The following TRIM43 variants were observed in gnomAD, a reference collection of about 807,000 sequenced individuals.
TRIM43 encodes tripartite motif containing 43, also known as tripartite motif-containing protein 43.
Under a neutral mutation model 27.7 loss-of-function variants are expected in TRIM43, and 12 were observed. The observed-to-expected ratio is 0.43, with a 90% CI of 0.28 to 0.70. The LOEUF (loss-of-function observed/expected upper bound fraction) is 0.70. Among genes scored for constraint, TRIM43 ranks in the 30% least tolerant of loss-of-function variants. TRIM43 has a pLI of 0.17. For missense variants in TRIM43, 186 were observed against 356.5 expected, an observed-to-expected ratio of 0.52 and a Z score of 3.85; for synonymous variants, 64 against 121.9, an observed-to-expected ratio of 0.52 and a Z score of 3.13.
intron 1 of TRIM43, among the ~76,000 whole-genome samples, chr2:95,592,455 G>A (rs1271932520): frequency 2.0e-5 from 3 of 151,682 alleles, no homozygotes; most frequent in South Asian, 2.1e-4. Context: ...TGCAACCTCC[G>A]CCTTCCAGGT....
At chr2:95,594,961 T>C in intron 2 of TRIM43, 89 bp from the exon 3 acceptor site, 2 of 1,370,986 alleles carry the variant, frequency 1.5e-6, no homozygotes, top group Non-Finnish European at 2.0e-6. Context: ...AATGTATTTA[T>C]ATATTATCCC....
At chr2:95,595,014 G>C (rs1204820617) in intron 2 of TRIM43, 36 bp from the exon 3 acceptor site, 2 of 1,594,054 alleles carry the variant, frequency 1.3e-6, no homozygotes, top group Admixed American at 3.4e-5. Flanking sequence ...TTTGGCATTT[G>C]ACTTTCTGTT....
intron 1 of TRIM43, among the ~76,000 whole-genome samples, chr2:95,592,536 T>A (rs868212728): frequency 1.7e-4 from 25 of 151,378 alleles, no homozygotes; most frequent in Non-Finnish European, 2.2e-4. Flanking sequence ...GCCCAGCTAA[T>A]TTTTGTATTT....
At chr2:95,592,773 G>T (rs576646526) in intron 1 of TRIM43, among the ~76,000 whole-genome samples, 70 of 151,424 alleles carry the variant, frequency 4.6e-4, no homozygotes, top group African/African-American at 1.7e-3. Flanking sequence ...CCTGCCTGAC[G>T]GCCTCCCAAA....
chr2:95,596,514 T>C, intron 4 of TRIM43, 82 bp downstream of exon 4: 1 of 1,482,332 alleles, frequency 6.7e-7, no homozygotes, highest in East Asian at 2.5e-5. Flanking sequence ...CCAAAGACAT[T>C]ATTTCCTCAT....
chr2:95,593,380 C>G (rs1685291678), intron 1 of TRIM43, among the ~76,000 whole-genome samples: 1 of 147,090 alleles, frequency 6.8e-6, no homozygotes, highest in African/African-American at 2.5e-5. Flanking sequence ...AGTAAACATG[C>G]CAGAAAGTTT....
chr2:95,596,224 A>G lies in TRIM43; in HGVS notation c.530A>G (p.Gln177Arg). 8.1e-6 allele frequency: 13 copies of G among 1,610,762 alleles called. No individual in the cohort carries two copies. The highest frequency in any genetic ancestry group is 1.0e-5 in the Non-Finnish European group (12 of 1,178,686). ...LWRGNVVLRAQMIRNEYRKLH... is the reference protein window; with the variant it reads ...LWRGNVVLRARMIRNEYRKLH... ...CAGGGCAATGTGGTTTTACGGGCACAGATGATCAGGAATGAGTATAGGAAG... is the reference window on the plus strand; with the variant it reads ...CAGGGCAATGTGGTTTTACGGGCACGGATGATCAGGAATGAGTATAGGAAG... The change falls in exon 4 of 7, where the codon CAG (glutamine) becomes CGG (arginine). Residue 177 changes from glutamine to arginine, a missense_variant. By Grantham distance (43) the Gln-to-Arg change is conservative. Coordinates refer to ENST00000272395, the MANE Select transcript of TRIM43 (RefSeq NM_138800.3).
intron 1 of TRIM43, among the ~76,000 whole-genome samples, chr2:95,593,195 C>T (rs1416503140): frequency 6.6e-6 from 1 of 151,924 alleles, no homozygotes; most frequent in Non-Finnish European, 1.5e-5. Context: ...CGTGAGCCAC[C>T]GTGCCCGGCC....
chr2:95,594,863 C>G (rs1685325111), intron 2 of TRIM43, among the ~76,000 whole-genome samples, 187 bp from the exon 3 acceptor site: 5 of 151,600 alleles, frequency 3.3e-5, no homozygotes, highest in Admixed American at 3.3e-4. Context: ...CTTCAGTTCC[C>G]TAAGCTGTTC....
intron 1 of TRIM43, among the ~76,000 whole-genome samples, chr2:95,592,675 T>G (rs1452544338): frequency 6.6e-6 from 1 of 150,708 alleles, no homozygotes; most frequent in Non-Finnish European, 1.5e-5. Context: ...CCGGCCTTTT[T>G]TTTTTAAATT....
At chr2:95,594,565 T>C (rs1685320398) in intron 2 of TRIM43, 131 bp downstream of exon 2, 2 of 1,184,896 alleles carry the variant, frequency 1.7e-6, no homozygotes, top group South Asian at 1.6e-5. Flanking sequence ...GTACCAATGA[T>C]GACATTTTGA....
rs780107967 is a variant in TRIM43 at position 95,596,345 on chromosome 2, C to A, written c.651C>A (p.Val217=). Residue 217 remains valine, a synonymous_variant, in exon 4 of 7, where the codon GTC becomes GTA. Coordinates refer to ENST00000272395, the MANE Select transcript of TRIM43 (RefSeq NM_138800.3). The part of the protein sequence containing the change: ...EIFQQLQRSW[V]KMDQKSKHLK... ...TTCAGCAACTCCAGAGAAGTTGGGT[C>A]AAAATGGATCAAAAGAGTAAACACT... 1 of 1,605,448 alleles carries A rather than the reference C, an allele frequency of 6.2e-7. No homozygotes were observed. Among genetic ancestry groups the A allele is most frequent in the Non-Finnish European group, 8.5e-7 (1 of 1,175,532 alleles).
chr2:95,593,191 C>T (rs1338368292), intron 1 of TRIM43, among the ~76,000 whole-genome samples: 1 of 151,978 alleles, frequency 6.6e-6, no homozygotes, highest in Non-Finnish European at 1.5e-5. Flanking sequence ...CAGGCGTGAG[C>T]CACCGTGCCC....
In TRIM43 at chr2:95,599,477, T is replaced by C; in HGVS notation, c.1245T>C (p.Ser415=). Residue 415 remains serine, a synonymous_variant, in exon 7 of 7, where the codon AGT becomes AGC. Coordinates refer to ENST00000272395, the MANE Select transcript of TRIM43 (RefSeq NM_138800.3). ...VFLDFESGSV[S]FLNVTKSSLI... is the part of the protein sequence containing the mutation. ...TTGATTTTGAAAGTGGAAGTGTGAG[T>C]TTTTTGAATGTCACCAAGAGTTCCC... 1 of 1,008,826 alleles carries C rather than the reference T, an allele frequency of 9.9e-7. No homozygotes were observed. Among genetic ancestry groups the C allele is most frequent in the African/African-American group, 1.8e-5 (1 of 56,776 alleles). 62.5% of individuals were successfully genotyped at this position (1,008,826 alleles called of 1,614,324 possible).
intron 1 of TRIM43, among the ~76,000 whole-genome samples, chr2:95,593,524 T>C (rs981437019): frequency 2.0e-5 from 3 of 151,916 alleles, no homozygotes; most frequent in African/African-American, 7.3e-5. Flanking sequence ...GGTCAAAGTA[T>C]GAGTTCTGCT....
intron 2 of TRIM43, 103 bp from the exon 3 acceptor site, chr2:95,594,947 C>A: frequency 4.0e-6 from 5 of 1,248,202 alleles, no homozygotes; most frequent in Non-Finnish European, 5.4e-6. Flanking sequence ...TTTCTCCTCT[C>A]ACTAATGTAT....
chr2:95,595,341 A>G (rs931859510), intron 3 of TRIM43, among the ~76,000 whole-genome samples, 196 bp downstream of exon 3: 1 of 151,768 alleles, frequency 6.6e-6, no homozygotes, highest in African/African-American at 2.4e-5. Flanking sequence ...TAAAAAATAA[A>G]TATAAATTCT....
rs767831297 is a variant in TRIM43 at position 95,596,292 on chromosome 2, A to G, written c.598A>G (p.Arg200Gly). The change falls in exon 4 of 7, where the codon AGA becomes GGA. Residue 200 changes from arginine to glycine, a missense_variant. Physicochemically the swap from Arg to Gly is moderately radical, Grantham distance 125. Transcript: ENST00000272395. The part of the protein sequence containing the change: ...LHKEEKQHLE[R>G]LNKEYQEIFQ... ...TAAGGAAGAAAAACAACATTTAGAG[A>G]GACTGAACAAGGAATACCAAGAGAT... The G allele has an allele frequency of 6.8e-6, 11 of 1,609,094 alleles. 2 individuals are homozygous for G. The highest frequency in any genetic ancestry group is 4.4e-5 in the South Asian group (4 of 90,412).
rs1295192494 is a variant in TRIM43, at chr2:95,594,492, A to G, written c.411+58A>G. Reference sequence around the variant, plus strand: ...GGAGGGTGGCAGAGTTAAAGATATTAGAAGGATGATGAGAATCATGGTGAT... The same window carrying G: ...GGAGGGTGGCAGAGTTAAAGATATTGGAAGGATGATGAGAATCATGGTGAT... On this transcript the variant is annotated intron_variant, in intron 2 of 6. Coordinates refer to ENST00000272395, the MANE Select transcript of TRIM43 (RefSeq NM_138800.3). 14 of 1,590,654 alleles carry G rather than the reference A, an allele frequency of 8.8e-6. No homozygotes were observed. In the East Asian group the frequency reaches 2.9e-4, roughly 33 times the overall value.
Sources: gnomAD v4.1 joint callset for allele counts (sites outside exome capture counted in the v4.1 genomes callset) on GRCh38, gnomAD v4.1.1 for gene constraint, MANE v1.5 for transcripts, NCBI Gene and HGNC (gene_info 2026-07-23, HGNC 2026-07-21) for gene names.